METTL27: variants seen among roughly 807,000 people sequenced by gnomAD.
The protein encoded by METTL27 is methyltransferase-like protein 27.
METTL27 carries 29 observed loss-of-function variants against 24.5 expected under a neutral mutation model. The observed-to-expected ratio is 1.18, with a 90% CI of 0.88 to 1.61. METTL27 has a LOEUF of 1.61. METTL27 is among the 40% of genes most tolerant of loss of function. The pLI is 0.00. For synonymous variants in METTL27, 138 were observed against 146.8 expected, an observed-to-expected ratio of 0.94 and a Z score of 0.43; for missense variants, 341 against 324.3, an observed-to-expected ratio of 1.05 and a Z score of -0.40.
chr7:73,840,277 C>T (rs1465208817), intron 4 of METTL27, 137 bp downstream of exon 4: 1 of 1,478,824 alleles, frequency 6.8e-7, no homozygotes, highest in Non-Finnish European at 9.1e-7. Flanking sequence ...TGGCCCAGTT[C>T]TGGGCTGCAG....
intron 5 of METTL27, among the ~76,000 whole-genome samples, chr7:73,836,657 TG>T (rs1163067047): frequency 0.25 from 2,687 of 10,542 alleles, 558 homozygotes; most frequent in Non-Finnish European, 0.34. Context: ...GGGAGGGAGG[TG>T]GGGGGGGTCA....
chr7:73,840,957 GCA>G, intron 3 of METTL27, 111 bp downstream of exon 3: 1 of 1,351,152 alleles, frequency 7.4e-7, no homozygotes, highest in Non-Finnish European at 9.6e-7. Context: ...CCTGTCTCAT[GCA>G]TTTGAAACAG....
chr7:73,841,941 T>C, intron 2 of METTL27, 77 bp downstream of exon 2: 2 of 1,610,598 alleles, frequency 1.2e-6, no homozygotes, highest in African/African-American at 2.7e-5. Flanking sequence ...CGCCCCCGGG[T>C]GCAAGGCTGA....
chr7:73,841,892 T>C, intron 2 of METTL27, 126 bp downstream of exon 2: 1 of 1,496,604 alleles, frequency 6.7e-7, no homozygotes, highest in South Asian at 1.2e-5. Flanking sequence ...GGGGCAGGAC[T>C]GTAGGGTTCT....
rs375025208 is a variant in METTL27, at chr7:73,840,121, CTGTG to C, written c.389-5_389-2del. ...ACTATCAGCACCGCGTCGAAGGTCC[CTGTG>C]TGTGTGTGGGGGGGGGTGGGGACAT... On this transcript the variant is annotated splice_acceptor_variant and splice_polypyrimidine_tract_variant and intron_variant, in intron 4 of 5. Coordinates refer to ENST00000297873, the MANE Select transcript of METTL27 (RefSeq NM_152559.3). LOFTEE classifies it high-confidence loss of function. 898 of 1,460,134 alleles carry C rather than the reference CTGTG, an allele frequency of 6.2e-4. 55 individuals carry two copies. The highest frequency in any genetic ancestry group is 2.3e-3 in the South Asian group (186 of 79,674). 90.4% of individuals were successfully genotyped at this position (1,460,134 alleles called of 1,614,324 possible).
In METTL27 at chr7:73,834,636, G is replaced by T; in HGVS notation, c.*107C>A. ...AGGCAGGGCATTTCTGAGGGGCAGGGTTGGTTCGGAGGTCCCATTTTACAG... is the reference window on the plus strand; with the variant it reads ...AGGCAGGGCATTTCTGAGGGGCAGGTTTGGTTCGGAGGTCCCATTTTACAG... On this transcript the variant is annotated 3_prime_UTR_variant, in exon 6 of 6. Transcript: ENST00000297873. 1 of 923,402 alleles carries T rather than the reference G, an allele frequency of 1.1e-6. No homozygotes were observed. The highest frequency in any genetic ancestry group is 1.6e-6 in the Non-Finnish European group (1 of 608,528). 57.2% of individuals were successfully genotyped at this position (923,402 alleles called of 1,614,324 possible). A position where few individuals can be genotyped will look rare whatever the true frequency, so the allele number is the denominator to read the frequency against.
At chr7:73,841,725 G>A (rs906534381) in intron 2 of METTL27, among the ~76,000 whole-genome samples, 29 of 152,192 alleles carry the variant, frequency 1.9e-4, no homozygotes, top group Admixed American at 8.5e-4. Context: ...TGATCCGCCC[G>A]CCTCGGCCTC....
chr7:73,836,055 G>A (rs534569259), intron 5 of METTL27, among the ~76,000 whole-genome samples: 213 of 151,368 alleles, frequency 1.4e-3, no homozygotes, highest in African/African-American at 4.9e-3. Context: ...GTCTCCGCCC[G>A]GCAGCCACCC....
intron 5 of METTL27, 40 bp from the exon 6 acceptor site, chr7:73,835,042 G>A: frequency 1.3e-6 from 2 of 1,571,378 alleles, no homozygotes; most frequent in Non-Finnish European, 8.6e-7. Context: ...AGGGGCAGGA[G>A]CCACAGTCCT....
chr7:73,842,157 C>A lies in METTL27; in HGVS notation c.-4-13G>T, dbSNP rs1356837841. On this transcript the variant is annotated splice_polypyrimidine_tract_variant and intron_variant, in intron 1 of 5. Transcript: ENST00000297873. The stretch of plus-strand genomic sequence containing the variant: ...CTGGGCCATGCTCCTGTGGGGACAC[C>A]GTTGCCCTGTCTCGAGGTCCACCTC... 4 of 1,596,144 alleles carry A rather than the reference C, an allele frequency of 2.5e-6. No individual in the cohort carries two copies. In the South Asian group the frequency reaches 3.3e-5, roughly 13 times the overall value.
chr7:73,840,277 C>G (rs1465208817), intron 4 of METTL27, 137 bp downstream of exon 4: 4 of 1,478,824 alleles, frequency 2.7e-6, no homozygotes, highest in Non-Finnish European at 3.6e-6. Flanking sequence ...TGGCCCAGTT[C>G]TGGGCTGCAG....
At position 73,834,896 on chromosome 7, in the gene METTL27, G is replaced by C. The variant is rs782540565; in HGVS notation, c.585C>G (p.Gly195=). The C allele has an allele frequency of 1.1e-5, 18 of 1,614,054 alleles. No individual in the cohort carries two copies. The Middle Eastern group carries it at 6.6e-4, about 59-fold the overall frequency. Residue 195 remains glycine (G), a synonymous_variant, in exon 6 of 6, where the codon GGC becomes GGG. Transcript: ENST00000297873. ...GGCGGTCCACAGGCCAGGCCACCAG[G>C]CCTTCCCACATCCCAGCCTGCTCCA... is the stretch of plus-strand genomic sequence containing the variant. ...DRLEQAGMWE[G]LVAWPVDRLW... is the part of the protein sequence containing the mutation.
rs1788120034 is a variant in METTL27 at position 73,834,957 on chromosome 7, T to A, written c.524A>T (p.Gln175Leu). 6.2e-7 allele frequency: 1 copy of A among 1,613,540 alleles called. No homozygotes were observed. The highest frequency in any genetic ancestry group is 1.1e-5 in the South Asian group (1 of 91,052). Residue 175 changes from glutamine to leucine, a missense_variant, in exon 6 of 6, where the codon CAA becomes CTA. Coordinates refer to ENST00000297873, the MANE Select transcript of METTL27 (RefSeq NM_152559.3). ...GGTGGCCTCCAGAGCCTCCTTGTAT[T>A]GAAGGTTGGACGAGTTGGTCCTGGT... ...LTTRTNSSNL[Q>L]YKEALEATLD...
chr7:73,840,097 C>T lies in METTL27; in HGVS notation c.412G>A (p.Val138Ile). The change falls in exon 5 of 6, where the codon GTC becomes ATC. Residue 138 changes from valine to isoleucine, a missense_variant. Coordinates refer to ENST00000297873, the MANE Select transcript of METTL27 (RefSeq NM_152559.3). Reference sequence around the variant, plus strand: ...ACCTGGCCGTCACTGAGGGCACCGACTATCAGCACCGCGTCGAAGGTCCCT... The same window carrying T: ...ACCTGGCCGTCACTGAGGGCACCGATTATCAGCACCGCGTCGAAGGTCCCT... ...PEGTFDAVLI[V>I]GALSDGQVPC... 1.2e-6 allele frequency: 2 copies of T among 1,604,700 alleles called. No homozygotes were observed. The highest frequency in any genetic ancestry group is 8.5e-7 in the Non-Finnish European group (1 of 1,177,314).
At chr7:73,841,584 T>G (rs571346086) in intron 2 of METTL27, among the ~76,000 whole-genome samples, 3 of 151,780 alleles carry the variant, frequency 2.0e-5, no homozygotes, top group East Asian at 1.9e-4. Context: ...GCAATTCTCC[T>G]GCATCAGCCT....
chr7:73,840,826 T>A (rs1788333073), intron 3 of METTL27, among the ~76,000 whole-genome samples: 1 of 152,122 alleles, frequency 6.6e-6, no homozygotes, highest in Non-Finnish European at 1.5e-5. Flanking sequence ...GCCTGGCTAA[T>A]TTTTAAATCT....
intron 5 of METTL27, among the ~76,000 whole-genome samples, chr7:73,835,906 C>A (rs1788167136): frequency 6.7e-6 from 1 of 150,160 alleles, no homozygotes; most frequent in Non-Finnish European, 1.5e-5. Context: ...CCGGCCGCAA[C>A]CCCGTCTGGG....
At chr7:73,835,373 G>A (rs1168136031) in intron 5 of METTL27, among the ~76,000 whole-genome samples, 4 of 144,582 alleles carry the variant, frequency 2.8e-5, no homozygotes, top group African/African-American at 5.3e-5. Context: ...GCAGACTCGC[G>A]CCGCCACGCC....
chr7:73,840,295 G>T (rs957536585), intron 4 of METTL27, 119 bp downstream of exon 4: 1 of 1,494,342 alleles, frequency 6.7e-7, no homozygotes, highest in Admixed American at 2.2e-5. Flanking sequence ...CAGTCAGATC[G>T]TGGGGTGCAG....
Sources: gnomAD v4.1 joint callset for allele counts (sites outside exome capture counted in the v4.1 genomes callset) on GRCh38, gnomAD v4.1.1 for gene constraint, MANE v1.5 for transcripts, NCBI Gene and HGNC (gene_info 2026-07-23, HGNC 2026-07-21) for gene names.